ATXN10: variants seen among roughly 807,000 people sequenced by gnomAD.
ATXN10 encodes the protein ataxin-10.
A neutral mutation model predicts 52.9 loss-of-function variants in ATXN10; 28 were observed. The observed-to-expected ratio is 0.53, with a 90% CI of 0.39 to 0.73. The LOEUF is 0.73. ATXN10 is among the 30% of genes least tolerant of loss of function. The pLI is 0.00. For missense variants in ATXN10, 565 were observed against 577.0 expected, an observed-to-expected ratio of 0.98 and a Z score of 0.21; for synonymous variants, 226 against 221.5, an observed-to-expected ratio of 1.02 and a Z score of -0.18.
intron 10 of ATXN10, among the ~76,000 whole-genome samples, chr22:45,838,713 A>G (rs1258961339): frequency 6.6e-6 from 1 of 152,230 alleles, no homozygotes; most frequent in East Asian, 1.9e-4. Flanking sequence ...CACTCTAACA[A>G]GGAGTGGCAT....
chr22:45,789,058 A>T lies in ATXN10; in HGVS notation c.1174-17901A>T, dbSNP rs11703016. Among the ~76,000 whole-genome samples the T allele has an allele frequency of 6.6e-6, 1 of 152,004 alleles. No individual in the cohort carries two copies. The highest frequency in any genetic ancestry group is 2.4e-5 in the African/African-American group (1 of 41,394). ...GGTAGTTTTAAAAGCTCCCCAGGAGATGCAGATTGACAGTAAGGATGGAAA... is the reference window on the plus strand; with the variant it reads ...GGTAGTTTTAAAAGCTCCCCAGGAGTTGCAGATTGACAGTAAGGATGGAAA... On this transcript the variant is annotated intron_variant, in intron 9 of 11. Transcript: ENST00000252934. The surrounding 1 kb of genome is among the most constrained non-coding windows in gnomAD (Gnocchi z 4.0).
intron 9 of ATXN10, among the ~76,000 whole-genome samples, chr22:45,785,619 G>C (rs1027268299): frequency 6.6e-6 from 1 of 152,330 alleles, no homozygotes; most frequent in Admixed American, 6.5e-5. Context: ...TTTTTGGCCT[G>C]TTTTTCATGA....
In ATXN10 at chr22:45,826,674, G is replaced by A. The variant is rs538569642; in HGVS notation, c.1238-16317G>A. Among the ~76,000 whole-genome samples, 4 of 152,280 alleles carry A rather than the reference G, an allele frequency of 2.6e-5. No individual in the cohort carries two copies. Among genetic ancestry groups the A allele is most frequent in the South Asian group, 2.1e-4 (1 of 4,826 alleles). The stretch of plus-strand genomic sequence containing the variant: ...AAGAAAAAACTGTCAACTAAGAATC[G>A]TTTGTCTGTCCAAACTGTCCTTCAA... On this transcript the variant is annotated intron_variant, in intron 10 of 11. Coordinates refer to ENST00000252934, the MANE Select transcript of ATXN10 (RefSeq NM_013236.4). The surrounding 1 kb of genome is among the most constrained non-coding windows in gnomAD (Gnocchi z 5.0).
chr22:45,755,405 G>C (rs1926138281), intron 9 of ATXN10, among the ~76,000 whole-genome samples: 1 of 152,070 alleles, frequency 6.6e-6, no homozygotes, highest in African/African-American at 2.4e-5. Context: ...ACTCTGATTA[G>C]GGGGCCTCAA....
intron 9 of ATXN10, among the ~76,000 whole-genome samples, chr22:45,751,437 A>G (rs1276174141): frequency 1.3e-5 from 2 of 151,570 alleles, no homozygotes; most frequent in African/African-American, 4.8e-5. Flanking sequence ...TGAGAGAGAG[A>G]GAGAGAGAGA....
chr22:45,798,047 A>G (rs1927806289), intron 9 of ATXN10, among the ~76,000 whole-genome samples: 1 of 152,250 alleles, frequency 6.6e-6, no homozygotes, highest in East Asian at 1.9e-4. Context: ...ATGTTTCTAC[A>G]ACAAAATCTC....
chr22:45,801,179 A>G (rs1429659958), intron 9 of ATXN10, among the ~76,000 whole-genome samples: 1 of 152,182 alleles, frequency 6.6e-6, no homozygotes, highest in Non-Finnish European at 1.5e-5. Context: ...CCTTGGCTGT[A>G]TGTTAGAGTC....
At position 45,795,823 on chromosome 22, in the gene ATXN10, G is replaced by A. The variant is rs1215769491; in HGVS notation, c.1174-11136G>A. Among the ~76,000 whole-genome samples, 1 of 152,112 alleles carries A rather than the reference G, an allele frequency of 6.6e-6. No homozygotes were observed. The highest frequency in any genetic ancestry group is 2.4e-5 in the African/African-American group (1 of 41,398). On this transcript the variant is annotated intron_variant, in intron 9 of 11. Transcript: ENST00000252934. The surrounding 1 kb of genome is among the most constrained non-coding windows in gnomAD (Gnocchi z 4.6). Reference sequence around the variant, plus strand: ...TCTTATAATTTCCTATGCCTGTCTTGTCTTTAATATCTTAATCTCGTCATC... The same window carrying A: ...TCTTATAATTTCCTATGCCTGTCTTATCTTTAATATCTTAATCTCGTCATC...
intron 9 of ATXN10, chr22:45,792,687 G>T (rs1288178791): frequency 9.2e-5 from 27 of 293,986 alleles, no homozygotes; most frequent in Admixed American, 4.0e-5. Context: ...GGGTTTCAGT[G>T]GCTCTGAACT....
intron 9 of ATXN10, among the ~76,000 whole-genome samples, chr22:45,753,409 T>C: frequency 3.4e-5 from 1 of 29,078 alleles, no homozygotes; most frequent in Non-Finnish European, 6.0e-5. Context: ...TTTTTTTTTT[T>C]TTTTTTTTTT....
intron 5 of ATXN10, among the ~76,000 whole-genome samples, chr22:45,707,453 A>G (rs751110111): frequency 6.6e-6 from 1 of 152,140 alleles, no homozygotes; most frequent in Non-Finnish European, 1.5e-5. Context: ...TTCCCTTTGT[A>G]TGCAAATGTA....
chr22:45,716,445 C>T (rs1569034354), intron 5 of ATXN10, among the ~76,000 whole-genome samples: 1 of 151,310 alleles, frequency 6.6e-6, no homozygotes, highest in Non-Finnish European at 1.5e-5. Flanking sequence ...AAGTGATTCT[C>T]ATACCTCTGC....
intron 6 of ATXN10, among the ~76,000 whole-genome samples, chr22:45,726,568 A>G (rs949740142): frequency 1.3e-5 from 2 of 152,166 alleles, no homozygotes; most frequent in African/African-American, 4.8e-5. Flanking sequence ...TAATCTAGCT[A>G]ATGGTCTATC....
Position 45,701,443 on chromosome 22 carries a change from A to G in ATXN10, c.488+1065A>G, listed in dbSNP as rs1569028493. Reference sequence around the variant, plus strand: ...CTCCTCTGTGAAGTATAGCGTTAAGATGGGATAAACTCTAATTCACCTGTA... The same window carrying G: ...CTCCTCTGTGAAGTATAGCGTTAAGGTGGGATAAACTCTAATTCACCTGTA... On this transcript the variant is annotated intron_variant, in intron 4 of 11. Transcript: ENST00000252934. The surrounding 1 kb of genome is among the most constrained non-coding windows in gnomAD (Gnocchi z 4.2). Among the ~76,000 whole-genome samples the G allele has an allele frequency of 6.6e-6, 1 of 152,180 alleles. No individual in the cohort carries two copies. The highest frequency in any genetic ancestry group is 1.5e-5 in the Non-Finnish European group (1 of 68,038).
chr22:45,842,966 T>C lies in ATXN10; in HGVS notation c.1238-25T>C. 1 of 1,609,436 alleles carries C rather than the reference T, an allele frequency of 6.2e-7. No homozygotes were observed. The highest frequency in any genetic ancestry group is 8.5e-7 in the Non-Finnish European group (1 of 1,175,706). On this transcript the variant is annotated intron_variant, in intron 10 of 11. Transcript: ENST00000252934. The surrounding 1 kb of genome is among the most constrained non-coding windows in gnomAD (Gnocchi z 4.8). ...AGTTATCAAACAGGAAAGTACGTTG[T>C]CACATTCCTTCACTCTGGCTCCAGT... is the stretch of plus-strand genomic sequence containing the variant.
chr22:45,799,267 T>C (rs923021515), intron 9 of ATXN10, among the ~76,000 whole-genome samples: 1 of 152,200 alleles, frequency 6.6e-6, no homozygotes, highest in Non-Finnish European at 1.5e-5. Context: ...ATTGATGAGC[T>C]GGTTTTAAAA....
In ATXN10 at chr22:45,835,344, G is replaced by A. The variant is rs149756377; in HGVS notation, c.1238-7647G>A. 8.3e-3 allele frequency among the ~76,000 whole-genome samples: 1,262 copies of A among 152,326 alleles called. 37 individuals are homozygous for A. Among genetic ancestry groups the A allele is most frequent in the Admixed American group, 0.053 (812 of 15,304 alleles). On this transcript the variant is annotated intron_variant, in intron 10 of 11. Transcript: ENST00000252934. This position sits in a 1 kb window ranked among gnomAD's most constrained non-coding sequence, Gnocchi z 5.0. Reference sequence around the variant, plus strand: ...ACACGCCCAGCAAGGCCTGGACAGCGCACTGGTGCCACAGCCCTTCGCTCG... The same window carrying A: ...ACACGCCCAGCAAGGCCTGGACAGCACACTGGTGCCACAGCCCTTCGCTCG...
Position 45,728,974 on chromosome 22 carries a change from C to T in ATXN10, c.729-451C>T, listed in dbSNP as rs189819654. On this transcript the variant is annotated intron_variant, in intron 6 of 11. Transcript: ENST00000252934. The surrounding 1 kb of genome is among the most constrained non-coding windows in gnomAD (Gnocchi z 4.3). ...AACCTCACCAAGCCTTATTTACCCA[C>T]CTTTAATGTGAAACTAATGGCAGTA... Among the ~76,000 whole-genome samples, 23 of 152,148 alleles carry T rather than the reference C, an allele frequency of 1.5e-4. No homozygotes were observed. The highest frequency in any genetic ancestry group is 2.8e-4 in the Non-Finnish European group (19 of 68,034).
intron 9 of ATXN10, among the ~76,000 whole-genome samples, chr22:45,771,766 G>C (rs537638838): frequency 1.3e-5 from 2 of 152,094 alleles, no homozygotes; most frequent in South Asian, 2.1e-4. Context: ...TTTTGAAATT[G>C]GGTTGTTTTC....
Sources: allele counts gnomAD v4.1 joint callset (sites outside exome capture counted in the v4.1 genomes callset), GRCh38; gene constraint gnomAD v4.1.1; non-coding constraint Gnocchi (gnomAD v3.1); transcripts MANE v1.5; gene names NCBI Gene and HGNC (gene_info 2026-07-23, HGNC 2026-07-21).